Variants in MECOM observed in about 807,000 individuals in gnomAD.
The protein encoded by MECOM is MDS1 and EVI1 complex locus.
MECOM carries 13 observed loss-of-function variants against 116.3 expected under a neutral mutation model. That is an observed-to-expected ratio of 0.11 (90% CI 0.07 to 0.18). The LOEUF is 0.18. Among genes scored for constraint, MECOM ranks in the 10% least tolerant of loss-of-function variants. The probability of loss-of-function intolerance (pLI) is 1.00; values close to 1 mark genes in which losing one functional copy is unlikely to be tolerated. For missense variants in MECOM, 1,299 were observed against 1,509.0 expected (o/e 0.86, Z 2.31); for synonymous variants, 528 against 535.2 (o/e 0.99, Z 0.19).
intron 2 of MECOM, among the ~76,000 whole-genome samples, chr3:169,319,267 C>T (rs1324915248): frequency 1.3e-5 from 2 of 152,112 alleles, no homozygotes; most frequent in East Asian, 1.9e-4. Context: ...AGTTCATGTC[C>T]TTTGCGGGGA....
intron 1 of MECOM, among the ~76,000 whole-genome samples, chr3:169,457,022 C>T (rs998913816): frequency 3.3e-5 from 5 of 152,084 alleles, no homozygotes; most frequent in Non-Finnish European, 5.9e-5. Flanking sequence ...GGCTGGCTGC[C>T]GTCTCAGCAG....
chr3:169,598,313 T>C (rs1299629807), intron 1 of MECOM, among the ~76,000 whole-genome samples: 1 of 152,230 alleles, frequency 6.6e-6, no homozygotes, highest in Non-Finnish European at 1.5e-5. Flanking sequence ...TATCTTAAAA[T>C]GGCATCTTCG....
At chr3:169,439,010 C>G (rs964699261) in intron 1 of MECOM, among the ~76,000 whole-genome samples, 1 of 151,268 alleles carries the variant, frequency 6.6e-6, no homozygotes, top group South Asian at 2.1e-4. Flanking sequence ...TAAAATAAGA[C>G]CTTCTGTTCA....
chr3:169,273,237 T>C (rs1759167975), intron 2 of MECOM, among the ~76,000 whole-genome samples: 1 of 152,142 alleles, frequency 6.6e-6, no homozygotes, highest in Non-Finnish European at 1.5e-5. Flanking sequence ...AGCAAGGGTA[T>C]ACAAAATACA....
chr3:169,649,101 C>A (rs1577279318), intron 1 of MECOM, among the ~76,000 whole-genome samples: 1 of 152,284 alleles, frequency 6.6e-6, no homozygotes, highest in South Asian at 2.1e-4. Flanking sequence ...ATACATCCTA[C>A]ATCTTACTCA....
At chr3:169,384,762 A>G (rs1484785236) in intron 1 of MECOM, among the ~76,000 whole-genome samples, 1 of 152,092 alleles carries the variant, frequency 6.6e-6, no homozygotes, top group Non-Finnish European at 1.5e-5. Context: ...CTACTTCCTC[A>G]AAGTGTCAAA....
Position 169,112,954 on chromosome 3 carries a change from C to T in MECOM, c.2490-80G>A, listed in dbSNP as rs1294448403. The T allele has an allele frequency of 1.1e-5, 11 of 1,033,034 alleles. No individual in the cohort carries two copies. In the South Asian group the frequency reaches 1.1e-4, roughly 10 times the overall value. The allele number at this position is 1,033,034 out of a possible 1,614,324, so 64.0% of individuals were successfully genotyped here. The stretch of plus-strand genomic sequence containing the variant: ...ACATAATCACTGACATTTAAAGGAA[C>T]TAACAATAAAGTCAATGGTAGGTTT... On this transcript the variant is annotated intron_variant, in intron 8 of 16. Transcript: ENST00000651503.
chr3:169,591,519 C>T (rs907632275), intron 1 of MECOM, among the ~76,000 whole-genome samples: 8 of 152,114 alleles, frequency 5.3e-5, no homozygotes, highest in Non-Finnish European at 1.0e-4. Context: ...TGGTTTTTTG[C>T]TCCATGTTAC....
At chr3:169,662,379 G>C (rs543374540) in intron 1 of MECOM, among the ~76,000 whole-genome samples, 3 of 152,202 alleles carry the variant, frequency 2.0e-5, no homozygotes, top group South Asian at 4.1e-4. Context: ...CAGCAAGCCC[G>C]AGGTGCGCGG....
At chr3:169,336,546 G>A (rs1229812591) in intron 2 of MECOM, among the ~76,000 whole-genome samples, 2 of 151,834 alleles carry the variant, frequency 1.3e-5, no homozygotes, top group East Asian at 3.9e-4. Flanking sequence ...ATCAATTCCA[G>A]GCCATTTGTC....
intron 1 of MECOM, among the ~76,000 whole-genome samples, chr3:169,651,082 T>A (rs1267817279): frequency 6.6e-6 from 1 of 152,210 alleles, no homozygotes; most frequent in Non-Finnish European, 1.5e-5. Context: ...ATTGTCTTGT[T>A]CCAGTTTGCA....
chr3:169,095,968 T>C, intron 12 of MECOM, among the ~76,000 whole-genome samples: 1 of 152,172 alleles, frequency 6.6e-6, no homozygotes, highest in Non-Finnish European at 1.5e-5. Flanking sequence ...TCTAGCAGTC[T>C]GAATCAGGTT....
At chr3:169,635,111 G>A (rs989448755) in intron 1 of MECOM, among the ~76,000 whole-genome samples, 1 of 152,152 alleles carries the variant, frequency 6.6e-6, no homozygotes, top group Non-Finnish European at 1.5e-5. Context: ...GGGGAAGGGG[G>A]TCAGAGCACA....
intron 1 of MECOM, among the ~76,000 whole-genome samples, chr3:169,597,156 T>C (rs1342298122): frequency 6.6e-6 from 1 of 152,148 alleles, no homozygotes; most frequent in Non-Finnish European, 1.5e-5. Context: ...CAGGGATACA[T>C]TAAGAGATGT....
chr3:169,379,364 AGAG>A (rs1370609403), intron 2 of MECOM, among the ~76,000 whole-genome samples: 1 of 152,100 alleles, frequency 6.6e-6, no homozygotes, highest in Non-Finnish European at 1.5e-5. Flanking sequence ...TGAAGGAGAA[AGAG>A]GAGAAAGGGA....
At chr3:169,629,038 C>T (rs1771742458) in intron 1 of MECOM, among the ~76,000 whole-genome samples, 1 of 151,736 alleles carries the variant, frequency 6.6e-6, no homozygotes, top group South Asian at 2.1e-4. Flanking sequence ...TCCCAAAGAA[C>T]TCAAAGCACT....
At position 169,552,223 on chromosome 3, in the gene MECOM, TTGG is replaced by T. The variant is rs1576840630; in HGVS notation, c.37+111110_37+111112del. Among the ~76,000 whole-genome samples the T allele has an allele frequency of 4.7e-5, 6 of 127,972 alleles. No homozygotes were observed. In the East Asian group the frequency reaches 2.7e-3, roughly 58 times the overall value. The allele number at this position is 127,972 out of a possible 152,430, so 84.0% of individuals were successfully genotyped here. Reference sequence around the variant, plus strand: ...AATAAAAAGAAATTTGAGAAACCTCTTGGTGAAGAAATCGTAGTCAGGATTTAT... The same window carrying T: ...AATAAAAAGAAATTTGAGAAACCTCTTGAAGAAATCGTAGTCAGGATTTAT... On this transcript the variant is annotated intron_variant, in intron 1 of 16. Transcript: ENST00000651503.
At chr3:169,594,602 C>T (rs946469382) in intron 1 of MECOM, among the ~76,000 whole-genome samples, 3 of 151,574 alleles carry the variant, frequency 2.0e-5, no homozygotes, top group Admixed American at 6.6e-5. Flanking sequence ...ATTAGTCCTT[C>T]TCAAGTCTGA....
chr3:169,147,714 TG>T, intron 2 of MECOM: 1 of 956,736 alleles, frequency 1.0e-6, no homozygotes, highest in Non-Finnish European at 1.2e-6. Flanking sequence ...AGCACAAGTG[TG>T]GTGTGTGTGT....
Sources: allele counts gnomAD v4.1 joint callset (sites outside exome capture counted in the v4.1 genomes callset), GRCh38; gene constraint gnomAD v4.1.1; transcripts MANE v1.5; gene names NCBI Gene and HGNC (gene_info 2026-07-23, HGNC 2026-07-21).